The following CNTN4 variants were observed in gnomAD, a reference collection of about 807,000 sequenced individuals.
The protein encoded by CNTN4 is contactin 4.
A neutral mutation model predicts 122.5 loss-of-function variants in CNTN4; 77 were observed. The ratio of observed to expected loss-of-function variants is 0.63; its 90% CI spans 0.52 to 0.76. The LOEUF is 0.76. Among genes scored for constraint, CNTN4 ranks in the 30% least tolerant of loss-of-function variants. The probability of loss-of-function intolerance (pLI) is 0.00; values close to 1 mark genes in which losing one functional copy is unlikely to be tolerated. For synonymous variants in CNTN4, 512 were observed against 447.0 expected, an observed-to-expected ratio of 1.15 and a Z score of -1.83; for missense variants, 1,256 against 1,259.1, an observed-to-expected ratio of 1.00 and a Z score of 0.04.
chr3:2,723,368 T>C (rs1186159233), intron 4 of CNTN4, among the ~76,000 whole-genome samples: 1 of 152,206 alleles, frequency 6.6e-6, no homozygotes, highest in African/African-American at 2.4e-5. Context: ...CCATTTGTGC[T>C]GCTATCACAA....
intron 3 of CNTN4, among the ~76,000 whole-genome samples, chr3:2,449,485 C>G (rs1009561476): frequency 6.6e-6 from 1 of 151,962 alleles, no homozygotes; most frequent in Non-Finnish European, 1.5e-5. Context: ...CGTGGTGATG[C>G]ACCCCTGTTA....
intron 10 of CNTN4, among the ~76,000 whole-genome samples, chr3:2,898,585 A>G (rs1258714112): frequency 1.3e-5 from 2 of 152,148 alleles, no homozygotes; most frequent in Non-Finnish European, 2.9e-5. Flanking sequence ...AGCTTTCTGC[A>G]TTTTTGCAAA....
At chr3:2,710,719 C>T (rs1266495647) in intron 4 of CNTN4, among the ~76,000 whole-genome samples, 1 of 152,184 alleles carries the variant, frequency 6.6e-6, no homozygotes, top group Non-Finnish European at 1.5e-5. Context: ...GAGGCCATTT[C>T]TACCTCTGAT....
At chr3:2,863,177 G>A (rs1426844992) in intron 7 of CNTN4, among the ~76,000 whole-genome samples, 3 of 152,078 alleles carry the variant, frequency 2.0e-5, no homozygotes, top group Admixed American at 2.0e-4. Flanking sequence ...TTGCCCTGAA[G>A]AGATAAACAA....
chr3:2,919,215 G>A (rs2094401907), intron 12 of CNTN4, among the ~76,000 whole-genome samples: 1 of 151,234 alleles, frequency 6.6e-6, no homozygotes, highest in Non-Finnish European at 1.5e-5. Context: ...TGCCAGGTGT[G>A]GTGGCACACA....
chr3:2,123,127 G>A (rs1264967261), intron 2 of CNTN4, among the ~76,000 whole-genome samples: 1 of 152,154 alleles, frequency 6.6e-6, no homozygotes, highest in Non-Finnish European at 1.5e-5. Flanking sequence ...CAGACACAGT[G>A]GAGTTTATGG....
intron 2 of CNTN4, among the ~76,000 whole-genome samples, chr3:2,284,439 T>G (rs2041833840): frequency 6.6e-6 from 1 of 152,128 alleles, no homozygotes; most frequent in Non-Finnish European, 1.5e-5. Flanking sequence ...CCATTAATCC[T>G]TTTAACTGGT....
At chr3:2,264,457 A>G (rs897718832) in intron 2 of CNTN4, among the ~76,000 whole-genome samples, 1 of 151,960 alleles carries the variant, frequency 6.6e-6, no homozygotes, top group Non-Finnish European at 1.5e-5. Flanking sequence ...CTATTTTTTA[A>G]TGACATTATT....
intron 13 of CNTN4, among the ~76,000 whole-genome samples, chr3:2,931,594 A>G (rs1472719872): frequency 1.3e-5 from 2 of 152,174 alleles, no homozygotes; most frequent in Non-Finnish European, 2.9e-5. Flanking sequence ...ATTTGTCACC[A>G]TCCCACATAC....
intron 2 of CNTN4, among the ~76,000 whole-genome samples, chr3:2,272,047 G>C (rs1388948609): frequency 2.0e-5 from 3 of 152,034 alleles, no homozygotes; most frequent in Non-Finnish European, 4.4e-5. Context: ...ATTCTAAATT[G>C]CAATCATTAA....
chr3:2,126,757 G>T (rs1302606337), intron 2 of CNTN4, among the ~76,000 whole-genome samples: 3 of 152,164 alleles, frequency 2.0e-5, no homozygotes, highest in Admixed American at 2.0e-4. Flanking sequence ...CTTTAAATGT[G>T]CTTTGGCCTC....
At chr3:2,921,065 G>A (rs868659157) in intron 12 of CNTN4, among the ~76,000 whole-genome samples, 2 of 152,028 alleles carry the variant, frequency 1.3e-5, no homozygotes, top group African/African-American at 4.8e-5. Flanking sequence ...TAAAAGACAG[G>A]GTCTCACCGT....
At chr3:2,403,189 G>T (rs1575559784) in intron 3 of CNTN4, among the ~76,000 whole-genome samples, 1 of 151,938 alleles carries the variant, frequency 6.6e-6, no homozygotes, top group Non-Finnish European at 1.5e-5. Context: ...TCTAAAGGAT[G>T]CCAGCCATAT....
intron 12 of CNTN4, among the ~76,000 whole-genome samples, chr3:2,907,396 A>G (rs2094247855): frequency 6.6e-6 from 1 of 152,056 alleles, no homozygotes; most frequent in African/African-American, 2.4e-5. Flanking sequence ...ACCATGGCAA[A>G]ACCCCATCTC....
intron 13 of CNTN4, among the ~76,000 whole-genome samples, chr3:2,970,943 A>G (rs1290470879): frequency 6.6e-6 from 1 of 151,992 alleles, no homozygotes; most frequent in African/African-American, 2.4e-5. Context: ...GCCCGCCACC[A>G]TGCCCAGTTA....
chr3:2,476,200 G>A (rs1003883218), intron 3 of CNTN4, among the ~76,000 whole-genome samples: 3 of 152,190 alleles, frequency 2.0e-5, no homozygotes, highest in African/African-American at 7.2e-5. Context: ...AATTGTGGAT[G>A]ACAATGAGTA....
intron 2 of CNTN4, among the ~76,000 whole-genome samples, chr3:2,330,694 C>G (rs2043682708): frequency 6.6e-6 from 1 of 151,966 alleles, no homozygotes; most frequent in Non-Finnish European, 1.5e-5. Flanking sequence ...TTTTGAAAAC[C>G]CAGATTCTGG....
chr3:2,535,372 A>G (rs2077761598), intron 3 of CNTN4, among the ~76,000 whole-genome samples: 1 of 152,066 alleles, frequency 6.6e-6, no homozygotes. Flanking sequence ...TTCACTTCTA[A>G]GTTTCAGTTT....
chr3:2,784,857 A>G (rs1477869100), intron 6 of CNTN4, among the ~76,000 whole-genome samples: 2 of 152,152 alleles, frequency 1.3e-5, no homozygotes. Flanking sequence ...GGTATTCAAT[A>G]AGCGCTAGTT....
Sources: allele counts gnomAD v4.1 joint callset (sites outside exome capture counted in the v4.1 genomes callset), GRCh38; gene constraint gnomAD v4.1.1; transcripts MANE v1.5; gene names NCBI Gene and HGNC (gene_info 2026-07-23, HGNC 2026-07-21).